TESMIN: variants seen among roughly 807,000 people sequenced by gnomAD.
TESMIN encodes the protein CXC domain containing 2.
Under a neutral mutation model 47.4 loss-of-function variants are expected in TESMIN, and 34 were observed. The observed-to-expected ratio is 0.72, with a 90% CI of 0.55 to 0.96. TESMIN has a LOEUF of 0.96. Among genes scored for constraint, TESMIN ranks in the 40% least tolerant of loss-of-function variants. The pLI is 0.00. For missense variants in TESMIN, 610 were observed against 637.2 expected, an observed-to-expected ratio of 0.96 and a Z score of 0.46; for synonymous variants, 278 against 258.9, an observed-to-expected ratio of 1.07 and a Z score of -0.71.
At chr11:68,729,397 C>G (rs373711435) in intron 6 of TESMIN, among the ~76,000 whole-genome samples, 1 of 151,820 alleles carries the variant, frequency 6.6e-6, no homozygotes, top group Non-Finnish European at 1.5e-5. Flanking sequence ...TGGTGGTGGG[C>G]GCCTGTAATC....
intron 4 of TESMIN, among the ~76,000 whole-genome samples, chr11:68,743,151 A>C (rs1005176773): frequency 6.6e-6 from 1 of 151,998 alleles, no homozygotes; most frequent in African/African-American, 2.4e-5. Context: ...TGCTGAGATT[A>C]CAGGCGTGAG....
intron 6 of TESMIN, among the ~76,000 whole-genome samples, chr11:68,726,813 T>A (rs1946269300): frequency 6.6e-6 from 1 of 152,038 alleles, no homozygotes; most frequent in African/African-American, 2.4e-5. Context: ...TGCAGTGGCT[T>A]ACACCTGTAA....
At chr11:68,722,706 A>G (rs1486387257) in intron 6 of TESMIN, among the ~76,000 whole-genome samples, 1 of 152,216 alleles carries the variant, frequency 6.6e-6, no homozygotes. Context: ...TGCAAAACTA[A>G]AGGAATGTTA....
chr11:68,750,073 T>C, intron 2 of TESMIN, 117 bp downstream of exon 2: 1 of 813,498 alleles, frequency 1.2e-6, no homozygotes, highest in Non-Finnish European at 1.8e-6. Flanking sequence ...GTGGGCTGTG[T>C]GTGGTGTCAC....
chr11:68,740,526 G>A lies in TESMIN; in HGVS notation c.829-1738C>T, dbSNP rs115146944. ...AGTACAATGTGTGCCTTCTGGACTG[G>A]TGGCTGAAACAGCAGAGAAAGGAAG... On this transcript the variant is annotated intron_variant, in intron 5 of 9. Transcript: ENST00000255087. Among the ~76,000 whole-genome samples the A allele has an allele frequency of 5.8e-3, 884 of 152,274 alleles. 10 individuals are homozygous for A. The highest frequency in any genetic ancestry group is 0.02 in the African/African-American group (824 of 41,548).
intron 6 of TESMIN, chr11:68,738,374 C>G: frequency 4.6e-6 from 5 of 1,084,522 alleles, no homozygotes; most frequent in Non-Finnish European, 5.6e-6. Flanking sequence ...AAAAGAGAGG[C>G]CAGTACAGTT....
At chr11:68,714,029 A>T (rs1946104374) in intron 7 of TESMIN, among the ~76,000 whole-genome samples, 1 of 152,220 alleles carries the variant, frequency 6.6e-6, no homozygotes, top group African/African-American at 2.4e-5. Flanking sequence ...ACGATATGTT[A>T]TCCAGGTCTA....
rs1594283637 is a variant in TESMIN, at chr11:68,711,175, C to G, written c.1159-126G>C. The G allele has an allele frequency of 2.8e-5, 23 of 820,826 alleles. No homozygotes were observed. The East Asian group carries it at 5.1e-4, about 18-fold the overall frequency. 50.8% of individuals were successfully genotyped at this position (820,826 alleles called of 1,614,324 possible). A position where few individuals can be genotyped will look rare whatever the true frequency, so the allele number is the denominator to read the frequency against. ...CCCATGACAGAGAGTGTGTGTGTGT[C>G]TGTGTGTGTTGAGTGTGAATGTGTG... On this transcript the variant is annotated intron_variant, in intron 8 of 9. Coordinates refer to ENST00000255087, the MANE Select transcript of TESMIN (RefSeq NM_004923.3).
intron 8 of TESMIN, among the ~76,000 whole-genome samples, chr11:68,712,355 G>A (rs1170086267): frequency 6.6e-6 from 1 of 152,206 alleles, no homozygotes; most frequent in African/African-American, 2.4e-5. Context: ...ATCCGAGCTG[G>A]GGAGTGTGGG....
intron 4 of TESMIN, 25 bp downstream of exon 4, chr11:68,744,965 GT>G (rs759387020): frequency 1.8e-5 from 27 of 1,500,348 alleles, no homozygotes; most frequent in Admixed American, 1.5e-4. Flanking sequence ...ATATGACATA[GT>G]TTTTTTTATT....
At position 68,707,995 on chromosome 11, in the gene TESMIN, C is replaced by A; in HGVS notation, c.*313G>T. The A allele has an allele frequency of 2.2e-6, 1 of 445,208 alleles. No homozygotes were observed. The highest frequency in any genetic ancestry group is 4.3e-6 in the Non-Finnish European group (1 of 231,358). The allele number at this position is 445,208 out of a possible 1,614,324, so 27.6% of individuals were successfully genotyped here. A position where few individuals can be genotyped will look rare whatever the true frequency, so the allele number is the denominator to read the frequency against. On this transcript the variant is annotated 3_prime_UTR_variant, in exon 10 of 10. Coordinates refer to ENST00000255087, the MANE Select transcript of TESMIN (RefSeq NM_004923.3). ...TCTGCCCTCCCCTGCCCCGCTCTGC[C>A]CTTCGCAGGGCCTGCTGTGCCCTCC... is the stretch of plus-strand genomic sequence containing the variant.
At chr11:68,742,963 A>AC (rs961888336) in intron 4 of TESMIN, among the ~76,000 whole-genome samples, 2 of 150,884 alleles carry the variant, frequency 1.3e-5, no homozygotes, top group African/African-American at 4.9e-5. Context: ...TGCAGCCTTG[A>AC]CCCCCCTAGG....
intron 6 of TESMIN, chr11:68,737,920 CAAAACAAA>C: frequency 5.4e-6 from 5 of 922,824 alleles, no homozygotes; most frequent in Non-Finnish European, 6.3e-6. Context: ...CTCAAAAAAA[CAAAACAAA>C]CAAACAAACA....
chr11:68,725,954 C>G (rs1037557268), intron 6 of TESMIN, among the ~76,000 whole-genome samples: 2 of 152,116 alleles, frequency 1.3e-5, no homozygotes, highest in Admixed American at 1.3e-4. Flanking sequence ...AAAACTGAAG[C>G]CTGAAGTGAC....
chr11:68,711,509 C>T (rs569416930), intron 8 of TESMIN, among the ~76,000 whole-genome samples: 3 of 152,108 alleles, frequency 2.0e-5, no homozygotes, highest in South Asian at 4.2e-4. Context: ...CATAGTCCTG[C>T]TGCTGACAGA....
intron 6 of TESMIN, among the ~76,000 whole-genome samples, 169 bp from the exon 7 acceptor site, chr11:68,716,108 T>A (rs1352718967): frequency 6.6e-6 from 1 of 152,238 alleles, no homozygotes; most frequent in Non-Finnish European, 1.5e-5. Context: ...TCAACTAGGA[T>A]AATGCTCACC....
At chr11:68,711,993 T>C (rs1218859792) in intron 8 of TESMIN, among the ~76,000 whole-genome samples, 4 of 152,258 alleles carry the variant, frequency 2.6e-5, no homozygotes, top group Non-Finnish European at 4.4e-5. Flanking sequence ...CCCGGGGATT[T>C]CCCTCTGTTC....
At chr11:68,734,835 C>T (rs1056669541) in intron 6 of TESMIN, among the ~76,000 whole-genome samples, 1 of 152,210 alleles carries the variant, frequency 6.6e-6, no homozygotes, top group Non-Finnish European at 1.5e-5. Flanking sequence ...GTGCTCCGAG[C>T]GCCCGCACGC....
At chr11:68,721,693 T>C (rs1011459933) in intron 6 of TESMIN, among the ~76,000 whole-genome samples, 1 of 152,212 alleles carries the variant, frequency 6.6e-6, no homozygotes, top group East Asian at 1.9e-4. Flanking sequence ...TCTGTGTTTT[T>C]TCCTTCATTG....
Sources: allele counts gnomAD v4.1 joint callset (sites outside exome capture counted in the v4.1 genomes callset), GRCh38; gene constraint gnomAD v4.1.1; transcripts MANE v1.5; gene names NCBI Gene and HGNC (gene_info 2026-07-23, HGNC 2026-07-21).